ANKS1B: variants seen among roughly 807,000 people sequenced by gnomAD.
ANKS1B encodes the protein ankyrin repeat and sterile alpha motif domain-containing protein 1B.
ANKS1B carries 36 observed loss-of-function variants against 148.3 expected under a neutral mutation model. The observed-to-expected ratio is 0.24, with a 90% CI of 0.19 to 0.32. ANKS1B has a LOEUF of 0.32. ANKS1B is among the 10% of genes least tolerant of loss of function. ANKS1B has a pLI of 1.00. For synonymous variants in ANKS1B, 542 were observed against 560.8 expected (o/e 0.97, Z 0.47); for missense variants, 1,157 against 1,542.6 (o/e 0.75, Z 4.19).
In ANKS1B at chr12:98,972,308, C is replaced by T. The variant is rs191371922; in HGVS notation, c.2778+80849G>A. On this transcript the variant is annotated intron_variant, in intron 17 of 26. Coordinates refer to ENST00000683438, the MANE Select transcript of ANKS1B (RefSeq NM_001352186.2). ...GAAAAATCTCACTTGTTGCTTTTAACTTAAACCTTTTATGGTTTTGAGATA... is the reference window on the plus strand; with the variant it reads ...GAAAAATCTCACTTGTTGCTTTTAATTTAAACCTTTTATGGTTTTGAGATA... Among the ~76,000 whole-genome samples, 4 of 152,332 alleles carry T rather than the reference C, an allele frequency of 2.6e-5. No individual in the cohort carries two copies. The East Asian group carries it at 7.7e-4, about 29-fold the overall frequency.
intron 14 of ANKS1B, among the ~76,000 whole-genome samples, chr12:99,177,940 G>T (rs1601431264): frequency 6.6e-6 from 1 of 152,164 alleles, no homozygotes; most frequent in Non-Finnish European, 1.5e-5. Flanking sequence ...ATCTTTGTTT[G>T]TTTCATAATC....
At chr12:99,617,207 G>A (rs1345631515) in intron 9 of ANKS1B, among the ~76,000 whole-genome samples, 1 of 152,174 alleles carries the variant, frequency 6.6e-6, no homozygotes, top group Non-Finnish European at 1.5e-5. Context: ...GTGTAAATTA[G>A]TTCAACCATT....
chr12:99,090,592 A>G (rs2053677278), intron 15 of ANKS1B, among the ~76,000 whole-genome samples: 1 of 152,138 alleles, frequency 6.6e-6, no homozygotes, highest in Non-Finnish European at 1.5e-5. Context: ...ACAAACTTAC[A>G]CATAGAAAAA....
At position 99,558,374 on chromosome 12, in the gene ANKS1B, C is replaced by T. The variant is rs74838549; in HGVS notation, c.1273-53733G>A. Reference sequence around the variant, plus strand: ...GCTCACACTGGCAGCAGTGGGGCAGCGGGGTACACACACGCATGCCAGCAT... The same window carrying T: ...GCTCACACTGGCAGCAGTGGGGCAGTGGGGTACACACACGCATGCCAGCAT... On this transcript the variant is annotated intron_variant, in intron 9 of 26. Coordinates refer to ENST00000683438, the MANE Select transcript of ANKS1B (RefSeq NM_001352186.2). 7.3e-3 allele frequency among the ~76,000 whole-genome samples: 1,115 copies of T among 152,166 alleles called. 35 individuals are homozygous for T. The highest frequency in any genetic ancestry group is 0.065 in the South Asian group (311 of 4,820).
At chr12:99,489,434 T>C (rs990939391) in intron 10 of ANKS1B, among the ~76,000 whole-genome samples, 2 of 152,190 alleles carry the variant, frequency 1.3e-5, no homozygotes, top group African/African-American at 4.8e-5. Flanking sequence ...TAAAACTTTA[T>C]TCTATTTTAT....
intron 4 of ANKS1B, among the ~76,000 whole-genome samples, chr12:99,803,824 G>A (rs1224559569): frequency 6.6e-6 from 1 of 152,150 alleles, no homozygotes; most frequent in African/African-American, 2.4e-5. Flanking sequence ...TTCCATCAAT[G>A]ACTTCTCATG....
chr12:99,732,841 T>C (rs1156718749), intron 8 of ANKS1B, among the ~76,000 whole-genome samples: 6 of 152,188 alleles, frequency 3.9e-5, no homozygotes, highest in Admixed American at 3.9e-4. Flanking sequence ...TTCATGTATA[T>C]TAACGTACTG....
At chr12:98,977,983 A>G (rs113472471) in intron 17 of ANKS1B, among the ~76,000 whole-genome samples, 4 of 152,104 alleles carry the variant, frequency 2.6e-5, no homozygotes, top group African/African-American at 4.8e-5. Context: ...ATTATATAAT[A>G]TGGGAGAGAT....
intron 9 of ANKS1B, among the ~76,000 whole-genome samples, chr12:99,614,847 G>C (rs1363940648): frequency 1.3e-5 from 2 of 151,056 alleles, no homozygotes; most frequent in Non-Finnish European, 1.5e-5. Context: ...AATTCAAAGA[G>C]AGTGAAAATA....
chr12:98,744,375 T>TA lies in ANKS1B; in HGVS notation c.*1363dup, dbSNP rs34975028. On this transcript the variant is annotated 3_prime_UTR_variant, in exon 27 of 27. Coordinates refer to ENST00000683438, the MANE Select transcript of ANKS1B (RefSeq NM_001352186.2). ...TTAGGTTTAAAATAATGTCAGTTAA[T>TA]AAAAAAACATTAAGACAATTCCACA... The TA allele has an allele frequency of 0.17, 153,881 of 894,986 alleles. 14,136 individuals are homozygous for TA. The highest frequency in any genetic ancestry group is 0.18 in the Non-Finnish European group (137,643 of 747,096). The allele number at this position is 894,986 out of a possible 1,614,324, so 55.4% of individuals were successfully genotyped here. A position where few individuals can be genotyped will look rare whatever the true frequency, so the allele number is the denominator to read the frequency against.
rs572992605 is a variant in ANKS1B, at chr12:98,875,764, T to A, written c.2779-43628A>T. Reference sequence around the variant, plus strand: ...AAACCACCAATATAATCAGGGACTGTGTCTACTGGTAAGGCAGGCCTGGGT... The same window carrying A: ...AAACCACCAATATAATCAGGGACTGAGTCTACTGGTAAGGCAGGCCTGGGT... On this transcript the variant is annotated intron_variant, in intron 17 of 26. Transcript: ENST00000683438. Among the ~76,000 whole-genome samples the A allele has an allele frequency of 4.6e-5, 7 of 152,264 alleles. No individual in the cohort carries two copies. The South Asian group carries it at 1.2e-3, about 27-fold the overall frequency.
At chr12:99,103,854 T>G (rs556298556) in intron 15 of ANKS1B, among the ~76,000 whole-genome samples, 1 of 152,202 alleles carries the variant, frequency 6.6e-6, no homozygotes, top group Admixed American at 6.5e-5. Context: ...TGAATACACA[T>G]GCAGAGATAT....
At chr12:99,191,833 A>G (rs2153883324) in intron 14 of ANKS1B, among the ~76,000 whole-genome samples, 1 of 152,194 alleles carries the variant, frequency 6.6e-6, no homozygotes, top group East Asian at 1.9e-4. Context: ...TTCGGAACTT[A>G]AAGTATAATA....
intron 14 of ANKS1B, among the ~76,000 whole-genome samples, chr12:99,203,797 T>C (rs1445615431): frequency 1.3e-5 from 2 of 152,232 alleles, no homozygotes; most frequent in Admixed American, 6.5e-5. Flanking sequence ...TTTATCTCTT[T>C]CACGGAACTT....
chr12:99,521,444 T>C (rs1268778563), intron 9 of ANKS1B, among the ~76,000 whole-genome samples: 1 of 152,152 alleles, frequency 6.6e-6, no homozygotes, highest in East Asian at 1.9e-4. Flanking sequence ...GTCTTGATGC[T>C]TGTAGATGTT....
intron 14 of ANKS1B, among the ~76,000 whole-genome samples, chr12:99,161,029 TG>T (rs2076603462): frequency 6.6e-6 from 1 of 152,216 alleles, no homozygotes; most frequent in African/African-American, 2.4e-5. Flanking sequence ...AGGATCTTTT[TG>T]GTTCAACATG....
At position 99,973,275 on chromosome 12, in the gene ANKS1B, T is replaced by C. The variant is rs1330701401; in HGVS notation, c.134+10829A>G. Among the ~76,000 whole-genome samples, 8 of 152,250 alleles carry C rather than the reference T, an allele frequency of 5.3e-5. No individual in the cohort carries two copies. The South Asian group carries it at 1.2e-3, about 24-fold the overall frequency. On this transcript the variant is annotated intron_variant, in intron 1 of 26. Coordinates refer to ENST00000683438, the MANE Select transcript of ANKS1B (RefSeq NM_001352186.2). The stretch of plus-strand genomic sequence containing the variant: ...TAGCTGCCATACCTAGTGGTAGCTA[T>C]AGAACCACTAAGAACATTTGCGGGC...
intron 1 of ANKS1B, among the ~76,000 whole-genome samples, chr12:99,966,500 A>G (rs907542551): frequency 6.6e-6 from 1 of 152,190 alleles, no homozygotes; most frequent in African/African-American, 2.4e-5. Flanking sequence ...CTGATGTATG[A>G]TGGGAGATGA....
At chr12:98,980,194 G>GT (rs528770383) in intron 17 of ANKS1B, among the ~76,000 whole-genome samples, 4 of 151,806 alleles carry the variant, frequency 2.6e-5, no homozygotes, top group African/African-American at 7.3e-5. Context: ...TTGCAAATAG[G>GT]TTTTTTTGTT....
Sources: allele counts gnomAD v4.1 joint callset (sites outside exome capture counted in the v4.1 genomes callset), GRCh38; gene constraint gnomAD v4.1.1; transcripts MANE v1.5; gene names NCBI Gene and HGNC (gene_info 2026-07-23, HGNC 2026-07-21).